The following PRSS56 variants were observed in gnomAD, a reference collection of about 807,000 sequenced individuals.
The protein encoded by PRSS56 is serine protease 56.
In PRSS56, 55 loss-of-function variants were observed where a neutral mutation model predicts 66.8. The observed-to-expected ratio is 0.82, with a 90% CI of 0.66 to 1.03. PRSS56 has a LOEUF of 1.03. PRSS56 is among the 50% of genes least tolerant of loss of function. PRSS56 has a pLI of 0.00. For synonymous variants in PRSS56, 409 were observed against 387.9 expected (o/e 1.05, Z -0.64); for missense variants, 869 against 837.2 (o/e 1.04, Z -0.47).
chr2:232,522,429 C>T (rs1302198531), intron 4 of PRSS56, 86 bp from the exon 5 acceptor site: 12 of 1,208,522 alleles, frequency 9.9e-6, no homozygotes, highest in Admixed American at 2.6e-5. Context: ...GAAAGCCCGG[C>T]ATGCGGGCGG....
rs144014895 is a variant in PRSS56 at position 232,520,500 on chromosome 2, G to A, written c.-99G>A. On this transcript the variant is annotated 5_prime_UTR_variant, in exon 1 of 13. Transcript: ENST00000617714. ...GACAAGAATTCAGTGCCCGGGGGCC[G>A]AAAGGCAGCAGAAGGCGGGCACCAA... The A allele has an allele frequency of 3.3e-4, 315 of 963,576 alleles. No individual in the cohort carries two copies. The highest frequency in any genetic ancestry group is 2.2e-3 in the East Asian group (85 of 38,130). 59.7% of individuals were successfully genotyped at this position (963,576 alleles called of 1,614,324 possible).
At position 232,523,800 on chromosome 2, in the gene PRSS56, G is replaced by A; in HGVS notation, c.1041G>A (p.Arg347=). 6.5e-7 allele frequency: 1 copy of A among 1,533,884 alleles called. No homozygotes were observed. The highest frequency in any genetic ancestry group is 8.7e-7 in the Non-Finnish European group (1 of 1,146,656). The change falls in exon 9 of 13, where the codon AGG becomes AGA. Residue 347 remains arginine, a synonymous_variant. Transcript: ENST00000617714. The part of the protein sequence containing the change: ...SASSSREPSC[R]ELLAWDPPQE... ...CCTCCAGCCGCGAGCCCAGCTGCAG[G>A]GAGCTTCTGGCCTGGGACCCCCCCC...
At chr2:232,524,415 C>A in intron 11 of PRSS56, 46 bp downstream of exon 11, 1 of 1,514,796 alleles carries the variant, frequency 6.6e-7, no homozygotes, top group East Asian at 2.5e-5. Flanking sequence ...AGGCTGAGGG[C>A]CTGGACGAGG....
Position 232,525,487 on chromosome 2 carries a change from C to G in PRSS56, c.1793C>G (p.Pro598Arg), listed in dbSNP as rs1464660940. ...KGHHPLNPQV[P>R]PARQP is the part of the protein sequence containing the mutation. Reference sequence around the variant, plus strand: ...CACCACCCACTCAACCCTCAGGTACCCCCCGCCAGGCAACCCTGAGCCATG... The same window carrying G: ...CACCACCCACTCAACCCTCAGGTACGCCCCGCCAGGCAACCCTGAGCCATG... Residue 598 changes from proline (P) to arginine (R), a missense_variant, in exon 13 of 13, where the codon CCC becomes CGC. By Grantham distance (103) the Pro-to-Arg change is moderately radical (BLOSUM62 -2). This residue lies in a region of PRSS56 where 551 missense variants were observed against 506.9 expected (regional missense o/e 1.09). Transcript: ENST00000617714. 1 of 1,497,460 alleles carries G rather than the reference C, an allele frequency of 6.7e-7. No homozygotes were observed. The highest frequency in any genetic ancestry group is 8.9e-7 in the Non-Finnish European group (1 of 1,122,426). 92.8% of individuals were successfully genotyped at this position (1,497,460 alleles called of 1,614,324 possible).
At chr2:232,522,358 C>A in intron 4 of PRSS56, 157 bp from the exon 5 acceptor site, 1 of 802,698 alleles carries the variant, frequency 1.2e-6, no homozygotes, top group Non-Finnish European at 1.8e-6. Context: ...CACGGCCGGG[C>A]GAGTTCGCCC....
intron 2 of PRSS56, 144 bp downstream of exon 2, chr2:232,521,572 G>A: frequency 1.2e-6 from 1 of 803,638 alleles, no homozygotes; most frequent in Non-Finnish European, 2.0e-6. Flanking sequence ...CGTTTGTGAA[G>A]GTCTGTCTCT....
In PRSS56 at chr2:232,522,143, A is replaced by T. The variant is rs934780388; in HGVS notation, c.429A>T (p.Ala143=). ...TAGCGGCCTCCTGGGTGCTCACGGC[A>T]GCGCACTGCTTTGTAGGGTAAGTAG... ...VLVAASWVLT[A]AHCFVGAPNE... Residue 143 remains alanine, a synonymous_variant, in exon 4 of 13, where the codon GCA becomes GCT. Coordinates refer to ENST00000617714, the MANE Select transcript of PRSS56 (RefSeq NM_001195129.2). 1.9e-5 allele frequency: 29 copies of T among 1,515,532 alleles called. 1 individual carries two copies. In the African/African-American group the frequency reaches 3.3e-4, roughly 17 times the overall value. 93.9% of individuals were successfully genotyped at this position (1,515,532 alleles called of 1,614,324 possible). A position where few individuals can be genotyped will look rare whatever the true frequency, so the allele number is the denominator to read the frequency against.
intron 4 of PRSS56, 104 bp from the exon 5 acceptor site, chr2:232,522,411 C>A: frequency 9.1e-7 from 1 of 1,103,456 alleles, no homozygotes; most frequent in Non-Finnish European, 1.2e-6. Context: ...TCCGTGCCCC[C>A]AGGTGGAGAA....
chr2:232,525,504 T>A lies in PRSS56; in HGVS notation c.1810T>A (p.Ter604ArgextTer24). The change falls in exon 13 of 13, where the codon TGA becomes AGA. Residue 604 changes from the stop codon to arginine (R), a stop_lost. Coordinates refer to ENST00000617714, the MANE Select transcript of PRSS56 (RefSeq NM_001195129.2). Reference sequence around the variant, plus strand: ...TCAGGTACCCCCCGCCAGGCAACCCTGAGCCATGTCTGGGCCCCCAGCCCC... The same window carrying A: ...TCAGGTACCCCCCGCCAGGCAACCCAGAGCCATGTCTGGGCCCCCAGCCCC... ...NPQVPPARQP[*>R] The A allele has an allele frequency of 6.8e-7, 1 of 1,475,046 alleles. No individual in the cohort carries two copies. Among genetic ancestry groups the A allele is most frequent in the Non-Finnish European group, 9.0e-7 (1 of 1,111,630 alleles). 91.4% of individuals were successfully genotyped at this position (1,475,046 alleles called of 1,614,324 possible).
At chr2:232,524,604 T>A in intron 11 of PRSS56, 134 bp from the exon 12 acceptor site, 1 of 739,972 alleles carries the variant, frequency 1.4e-6, no homozygotes. Flanking sequence ...TCTCCGAGCC[T>A]CAGTTTCCCC....
intron 12 of PRSS56, 127 bp from the exon 13 acceptor site, chr2:232,525,089 G>T (rs1037542646): frequency 2.0e-6 from 2 of 997,890 alleles, no homozygotes; most frequent in African/African-American, 1.6e-5. Flanking sequence ...CCACATGAGC[G>T]GGAAATGAGC....
chr2:232,521,525 T>A, intron 2 of PRSS56, 97 bp downstream of exon 2: 1 of 1,013,932 alleles, frequency 9.9e-7, no homozygotes, highest in Non-Finnish European at 1.5e-6. Flanking sequence ...ACTCTCCTCT[T>A]GGGGGCAGAG....
At chr2:232,520,758 G>A (rs911666450) in intron 1 of PRSS56, 63 bp downstream of exon 1, 35 of 1,132,276 alleles carry the variant, frequency 3.1e-5, no homozygotes, top group African/African-American at 4.6e-5. Flanking sequence ...TGGGACCCTG[G>A]GCGGGCGGGG....
At chr2:232,523,624 C>G (rs1203185929) in intron 8 of PRSS56, 46 bp downstream of exon 8, 5 of 1,503,424 alleles carry the variant, frequency 3.3e-6, no homozygotes, top group Non-Finnish European at 3.5e-6. Context: ...CCCCAACGGA[C>G]AACCGTGGGA....
Position 232,521,424 on chromosome 2 carries a change from C to T in PRSS56, c.201C>T (p.Cys67=). 1 of 1,535,652 alleles carries T rather than the reference C, an allele frequency of 6.5e-7. No individual in the cohort carries two copies. Among genetic ancestry groups the T allele is most frequent in the Non-Finnish European group, 8.7e-7 (1 of 1,146,468 alleles). ...AGATCCAGCACAGATCGCACGAGTGCCGAGGTGCCCACCCTGCCCCCCGTG... is the reference window on the plus strand; with the variant it reads ...AGATCCAGCACAGATCGCACGAGTGTCGAGGTGCCCACCCTGCCCCCCGTG... ...AMEIQHRSHE[C]RGSGRPRPQA... Residue 67 remains cysteine, a synonymous_variant, in exon 2 of 13, where the codon TGC becomes TGT. Coordinates refer to ENST00000617714, the MANE Select transcript of PRSS56 (RefSeq NM_001195129.2).
chr2:232,521,895 G>A (rs1442481262), intron 3 of PRSS56, 29 bp downstream of exon 3: 2 of 1,531,982 alleles, frequency 1.3e-6, no homozygotes, highest in Admixed American at 2.0e-5. Context: ...GAGGGGGCAG[G>A]CCTGAGAGCC....
intron 7 of PRSS56, 50 bp from the exon 8 acceptor site, chr2:232,523,366 G>A (rs1292697335): frequency 1.4e-6 from 2 of 1,427,746 alleles, no homozygotes; most frequent in African/African-American, 2.9e-5. Flanking sequence ...GCGTAAGGCA[G>A]GCGTCATAGG....
rs1352300027 is a variant in PRSS56, at chr2:232,524,085, G to C, written c.1233G>C (p.Ala411=). ...CGCTGCTGGGCCTGCTGCGGAACGC[G>C]CAGGAGCTGCTCGGGCCTCGTCCGG... is the stretch of plus-strand genomic sequence containing the variant. ...AHTLLGLLRN[A]QELLGPRPGL... The change falls in exon 10 of 13, where the codon GCG becomes GCC. Residue 411 remains alanine (A), a synonymous_variant. Transcript: ENST00000617714. The C allele has an allele frequency of 6.6e-7, 1 of 1,523,530 alleles. No homozygotes were observed. Among genetic ancestry groups the C allele is most frequent in the Non-Finnish European group, 8.8e-7 (1 of 1,142,160 alleles). The allele number at this position is 1,523,530 out of a possible 1,614,324, so 94.4% of individuals were successfully genotyped here. A position where few individuals can be genotyped will look rare whatever the true frequency, so the allele number is the denominator to read the frequency against.
chr2:232,523,552 A>G lies in PRSS56; in HGVS notation c.986A>G (p.Lys329Arg). 2 of 1,530,666 alleles carry G rather than the reference A, an allele frequency of 1.3e-6. No homozygotes were observed. Among genetic ancestry groups the G allele is most frequent in the Non-Finnish European group, 1.7e-6 (2 of 1,145,016 alleles). 94.8% of individuals were successfully genotyped at this position (1,530,666 alleles called of 1,614,324 possible). ...PGVYTRVAVF[K>R]DWLQEQMSAS... The stretch of plus-strand genomic sequence containing the variant: ...GTCTACACCCGCGTGGCAGTGTTCA[A>G]GGACTGGCTCCAGGAGCAGATGAGC... Residue 329 changes from lysine to arginine, a missense_variant, in exon 8 of 13, where the codon AAG becomes AGG. By Grantham distance (26) the Lys-to-Arg change is conservative. This residue lies in a region of PRSS56 where 551 missense variants were observed against 506.9 expected (regional missense o/e 1.09). Coordinates refer to ENST00000617714, the MANE Select transcript of PRSS56 (RefSeq NM_001195129.2).
Sources: allele counts gnomAD v4.1 joint callset, GRCh38; gene constraint gnomAD v4.1.1; regional missense constraint gnomAD v4.1.1; transcripts MANE v1.5; gene names NCBI Gene and HGNC (gene_info 2026-07-23, HGNC 2026-07-21).